Variants in AGAP1 observed in about 807,000 individuals in gnomAD.
AGAP1 encodes the protein ArfGAP with GTPase domain, ankyrin repeat and PH domain 1.
AGAP1 carries 29 observed loss-of-function variants against 105.3 expected under a neutral mutation model. The ratio of observed to expected loss-of-function variants is 0.28; its 90% confidence interval spans 0.21 to 0.38. The LOEUF is 0.38. Among genes scored for constraint, AGAP1 ranks in the 10% least tolerant of loss-of-function variants. The probability of loss-of-function intolerance (pLI) is 1.00; values close to 1 mark genes in which losing one functional copy is unlikely to be tolerated. For missense variants in AGAP1, 998 were observed against 1,165.1 expected, an observed-to-expected ratio of 0.86 and a Z score of 2.09; for synonymous variants, 509 against 485.9, an observed-to-expected ratio of 1.05 and a Z score of -0.63.
intron 12 of AGAP1, among the ~76,000 whole-genome samples, chr2:235,946,284 C>CTT (rs34759426): frequency 2.6e-4 from 30 of 114,034 alleles, no homozygotes; most frequent in African/African-American, 7.6e-4. Context: ...GCTTTTTTTC[C>CTT]TTTTTTTTTT....
At chr2:235,518,072 G>T (rs1478252663) in intron 1 of AGAP1, among the ~76,000 whole-genome samples, 1 of 152,226 alleles carries the variant, frequency 6.6e-6, no homozygotes, top group African/African-American at 2.4e-5. Context: ...CTCCGAAGGT[G>T]CAGCGCAGGG....
chr2:235,717,661 G>A lies in AGAP1; in HGVS notation c.310+17G>A. ...CTCCGGAAGGTATGCTGTTTGGCAG[G>A]CAGTTGCAAACTTAAGAATGTAGTT... On this transcript the variant is annotated intron_variant, in intron 3 of 17. Coordinates refer to ENST00000304032, the MANE Select transcript of AGAP1 (RefSeq NM_001037131.3). 2 of 1,589,528 alleles carry A rather than the reference G, an allele frequency of 1.3e-6. No homozygotes were observed. The highest frequency in any genetic ancestry group is 1.7e-6 in the Non-Finnish European group (2 of 1,171,560).
rs558684982 is a variant in AGAP1 at position 236,027,492 on chromosome 2, A to T, written c.1646-9069A>T. Among the ~76,000 whole-genome samples the T allele has an allele frequency of 6.6e-6, 1 of 152,098 alleles. No individual in the cohort carries two copies. Among genetic ancestry groups the T allele is most frequent in the African/African-American group, 2.4e-5 (1 of 41,428 alleles). On this transcript the variant is annotated intron_variant, in intron 13 of 17. Transcript: ENST00000304032. This position sits in a 1 kb window ranked among gnomAD's most constrained non-coding sequence, Gnocchi z 4.4. ...GTGCCCACCTCTGCGCTGAGCATGTAGGGTTCCATCTCCCGCCTCTGCCCT... is the reference window on the plus strand; with the variant it reads ...GTGCCCACCTCTGCGCTGAGCATGTTGGGTTCCATCTCCCGCCTCTGCCCT...
intron 13 of AGAP1, among the ~76,000 whole-genome samples, chr2:236,023,768 A>G (rs1455513582): frequency 6.6e-6 from 1 of 151,956 alleles, no homozygotes; most frequent in African/African-American, 2.4e-5. Context: ...CATTTTCATC[A>G]CAGGTTGCTC....
In AGAP1 at chr2:235,744,834, C is replaced by T. The variant is rs376672699; in HGVS notation, c.533C>T (p.Thr178Ile). 1 of 1,613,888 alleles carries T rather than the reference C, an allele frequency of 6.2e-7. No individual in the cohort carries two copies. The highest frequency in any genetic ancestry group is 1.3e-5 in the African/African-American group (1 of 74,868). The stretch of plus-strand genomic sequence containing the variant: ...GAGATTCCTCTGGTTCTGGTGGGAA[C>T]CCAGGGTGAGTGATGTTCGTGTGCA... ...TSEIPLVLVG[T>I]QDAISSANPR... Residue 178 changes from threonine (T) to isoleucine (I), a missense_variant, in exon 5 of 18, where the codon ACC becomes ATC. Around this residue, in one of 3 missense-constraint regions of AGAP1, gnomAD observed 735 missense variants for 833.4 expected, o/e 0.88. Coordinates refer to ENST00000304032, the MANE Select transcript of AGAP1 (RefSeq NM_001037131.3). The surrounding 1 kb of genome is among the most constrained non-coding windows in gnomAD (Gnocchi z 5.2).
chr2:235,568,215 C>T (rs531892683), intron 1 of AGAP1, among the ~76,000 whole-genome samples: 8 of 152,170 alleles, frequency 5.3e-5, no homozygotes, highest in Admixed American at 1.3e-4. Context: ...GGAGGTCATT[C>T]CTTACTGGGC....
intron 1 of AGAP1, among the ~76,000 whole-genome samples, chr2:235,525,308 A>G (rs555339699): frequency 7.0e-4 from 87 of 125,046 alleles, no homozygotes; most frequent in African/African-American, 2.7e-3. Flanking sequence ...CATAATGTGG[A>G]GGACTGATAC....
At chr2:235,703,804 C>G (rs186550434) in intron 1 of AGAP1, among the ~76,000 whole-genome samples, 3 of 152,060 alleles carry the variant, frequency 2.0e-5, no homozygotes, top group Admixed American at 1.3e-4. Context: ...GCCATGTTGA[C>G]GAGGCTAGTC....
At position 235,962,873 on chromosome 2, in the gene AGAP1, G is replaced by A. The variant is rs1008304008; in HGVS notation, c.1484-5589G>A. ...TCAGCACCTCTGGCTTCTACCATCT[G>A]ATGCCTGTAGCACCTCCACTCCACC... On this transcript the variant is annotated intron_variant, in intron 12 of 17. Transcript: ENST00000304032. This position sits in a 1 kb window ranked among gnomAD's most constrained non-coding sequence, Gnocchi z 5.3. Among the ~76,000 whole-genome samples the A allele has an allele frequency of 1.3e-5, 2 of 152,278 alleles. No individual in the cohort carries two copies. Among genetic ancestry groups the A allele is most frequent in the East Asian group, 1.9e-4 (1 of 5,176 alleles).
In AGAP1 at chr2:236,109,269, C is replaced by T. The variant is rs886759971; in HGVS notation, c.2115-10923C>T. On this transcript the variant is annotated intron_variant, in intron 16 of 17. Transcript: ENST00000304032. This position sits in a 1 kb window ranked among gnomAD's most constrained non-coding sequence, Gnocchi z 5.4. ...CACCTCTGGGACTCAGCTGCCTGGT[C>T]AGCCTGACCCCGCCCTGCCGAGCAC... Among the ~76,000 whole-genome samples, 1 of 152,216 alleles carries T rather than the reference C, an allele frequency of 6.6e-6. No individual in the cohort carries two copies. Among genetic ancestry groups the T allele is most frequent in the African/African-American group, 2.4e-5 (1 of 41,450 alleles).
At chr2:235,782,343 A>T (rs1184056800) in intron 6 of AGAP1, among the ~76,000 whole-genome samples, 1 of 151,414 alleles carries the variant, frequency 6.6e-6, no homozygotes, top group African/African-American at 2.4e-5. Flanking sequence ...CATGTATATT[A>T]TTTTTTGGAG....
intron 8 of AGAP1, among the ~76,000 whole-genome samples, chr2:235,802,493 G>T (rs1392618122): frequency 6.6e-6 from 1 of 152,206 alleles, no homozygotes; most frequent in Non-Finnish European, 1.5e-5. Flanking sequence ...GCATTAGTGG[G>T]AATAGAAATT....
In AGAP1 at chr2:235,559,741, CT is replaced by C. The variant is rs879840458; in HGVS notation, c.163+64903del. Among the ~76,000 whole-genome samples, 720 of 145,110 alleles carry C rather than the reference CT, an allele frequency of 5.0e-3. 3 individuals carry two copies. The highest frequency in any genetic ancestry group is 0.015 in the African/African-American group (601 of 39,618). On this transcript the variant is annotated intron_variant, in intron 1 of 17. Transcript: ENST00000304032. This position sits in a 1 kb window ranked among gnomAD's most constrained non-coding sequence, Gnocchi z 5.7. Reference sequence around the variant, plus strand: ...TTCCCTGGTGACTAATGGTGTTGACCTTTTTTTTTTTAAATATGCTTATCTT... The same window carrying C: ...TTCCCTGGTGACTAATGGTGTTGACCTTTTTTTTTTAAATATGCTTATCTT...
intron 11 of AGAP1, among the ~76,000 whole-genome samples, chr2:235,916,750 T>TA (rs1272755458): frequency 2.6e-5 from 4 of 152,246 alleles, no homozygotes; most frequent in Non-Finnish European, 5.9e-5. Context: ...TCATCATGGT[T>TA]ATGCCAAAAG....
At chr2:235,810,413 C>T (rs1385404315) in intron 9 of AGAP1, among the ~76,000 whole-genome samples, 2 of 152,182 alleles carry the variant, frequency 1.3e-5, no homozygotes, top group Admixed American at 1.3e-4. Flanking sequence ...GCAGAGGAGT[C>T]GTTTTAGAAC....
intron 8 of AGAP1, among the ~76,000 whole-genome samples, chr2:235,805,558 T>A (rs28639658): frequency 1.2e-3 from 186 of 152,208 alleles, no homozygotes; most frequent in South Asian, 4.2e-3. Context: ...TAAAAAAAAA[T>A]TTTTTTAATG....
chr2:235,784,943 G>A (rs1392289189), intron 6 of AGAP1, among the ~76,000 whole-genome samples: 1 of 152,128 alleles, frequency 6.6e-6, no homozygotes, highest in Non-Finnish European at 1.5e-5. Flanking sequence ...AAGACCAAGT[G>A]GAAATCTGTT....
rs957936785 is a variant in AGAP1 at position 235,728,145 on chromosome 2, G to C, written c.310+10501G>C. Among the ~76,000 whole-genome samples, 34 of 152,286 alleles carry C rather than the reference G, an allele frequency of 2.2e-4. No individual in the cohort carries two copies. Among genetic ancestry groups the C allele is most frequent in the African/African-American group, 7.2e-4 (30 of 41,566 alleles). On this transcript the variant is annotated intron_variant, in intron 3 of 17. Coordinates refer to ENST00000304032, the MANE Select transcript of AGAP1 (RefSeq NM_001037131.3). The surrounding 1 kb of genome is among the most constrained non-coding windows in gnomAD (Gnocchi z 4.3). Reference sequence around the variant, plus strand: ...CAGGACGATGGAGACAAGGGAAGTAGAAGTTGAAAGAAACTCCCAACGGCA... The same window carrying C: ...CAGGACGATGGAGACAAGGGAAGTACAAGTTGAAAGAAACTCCCAACGGCA...
In AGAP1 at chr2:235,622,353, A is replaced by G. The variant is rs1455693919; in HGVS notation, c.164-86826A>G. 6.6e-6 allele frequency among the ~76,000 whole-genome samples: 1 copy of G among 152,194 alleles called. No individual in the cohort carries two copies. ...CTCTGGACAGCCAGTGGTCTGTAGC[A>G]TTCTCATCCTTCAGAGCTCCCTGAG... On this transcript the variant is annotated intron_variant, in intron 1 of 17. Coordinates refer to ENST00000304032, the MANE Select transcript of AGAP1 (RefSeq NM_001037131.3). The surrounding 1 kb of genome is among the most constrained non-coding windows in gnomAD (Gnocchi z 5.0).
Sources: allele counts gnomAD v4.1 joint callset (sites outside exome capture counted in the v4.1 genomes callset), GRCh38; gene constraint gnomAD v4.1.1; regional missense constraint gnomAD v4.1.1; non-coding constraint Gnocchi (gnomAD v3.1); transcripts MANE v1.5; gene names NCBI Gene and HGNC (gene_info 2026-07-23, HGNC 2026-07-21).